Variants in JAKMIP2 observed in about 807,000 individuals in gnomAD.
The protein encoded by JAKMIP2 is janus kinase and microtubule-interacting protein 2.
In JAKMIP2, 25 loss-of-function variants were observed where a neutral mutation model predicts 115.0. The observed-to-expected ratio is 0.22, with a 90% CI of 0.16 to 0.30. The LOEUF (loss-of-function observed/expected upper bound fraction) is 0.30. Ranked by LOEUF, JAKMIP2 falls within the 10% of genes least tolerant of loss-of-function variation. JAKMIP2 has a pLI of 1.00. For synonymous variants in JAKMIP2, 334 were observed against 343.6 expected (o/e 0.97, Z 0.31); for missense variants, 642 against 957.6 (o/e 0.67, Z 4.35).
intron 1 of JAKMIP2, among the ~76,000 whole-genome samples, chr5:147,687,630 G>A (rs1760636894): frequency 6.6e-6 from 1 of 152,158 alleles, no homozygotes; most frequent in African/African-American, 2.4e-5. Flanking sequence ...GCAGAAGGAG[G>A]AGAGAATTTA....
intron 2 of JAKMIP2, among the ~76,000 whole-genome samples, chr5:147,666,680 T>C (rs73270121): frequency 2.6e-5 from 4 of 152,170 alleles, no homozygotes; most frequent in Non-Finnish European, 5.9e-5. Context: ...TCCAGGTAAG[T>C]TCCTACACCT....
At chr5:147,678,195 G>T (rs58542775) in intron 1 of JAKMIP2, among the ~76,000 whole-genome samples, 2,982 of 152,176 alleles carry the variant, frequency 0.02, 103 homozygotes, top group African/African-American at 0.068. Context: ...GTAAAGATGG[G>T]GTTTCACCAT....
chr5:147,747,684 A>T (rs1754395602), intron 1 of JAKMIP2, among the ~76,000 whole-genome samples: 1 of 152,138 alleles, frequency 6.6e-6, no homozygotes, highest in Non-Finnish European at 1.5e-5. Context: ...GAATGTAAGG[A>T]ATCACCAGAT....
chr5:147,687,658 T>C (rs972421515), intron 1 of JAKMIP2, among the ~76,000 whole-genome samples: 23 of 152,318 alleles, frequency 1.5e-4, no homozygotes, highest in African/African-American at 5.3e-4. Context: ...CTCATTTTTA[T>C]ATCTGATATT....
At chr5:147,610,026 C>T (rs969465535) in intron 20 of JAKMIP2, among the ~76,000 whole-genome samples, 2 of 152,122 alleles carry the variant, frequency 1.3e-5, no homozygotes, top group Non-Finnish European at 2.9e-5. Flanking sequence ...TTTTCAGCTC[C>T]ATCAGGTCCT....
chr5:147,687,081 C>A (rs17107192), intron 1 of JAKMIP2, among the ~76,000 whole-genome samples: 1 of 152,018 alleles, frequency 6.6e-6, no homozygotes, highest in African/African-American at 2.4e-5. Flanking sequence ...TCTAGATCAT[C>A]ATAGCACTTG....
intron 1 of JAKMIP2, among the ~76,000 whole-genome samples, chr5:147,777,663 TAATG>T (rs1240186662): frequency 7.9e-5 from 12 of 152,208 alleles, no homozygotes; most frequent in African/African-American, 2.9e-4. Context: ...TTACTTGTAG[TAATG>T]AATAATGATT....
chr5:147,674,956 T>C (rs1025986610), intron 1 of JAKMIP2, among the ~76,000 whole-genome samples: 1 of 152,162 alleles, frequency 6.6e-6, no homozygotes, highest in Non-Finnish European at 1.5e-5. Context: ...CCTCAACAGA[T>C]AAAAAGAAAG....
At chr5:147,602,505 G>A (rs1581268095) in intron 20 of JAKMIP2, among the ~76,000 whole-genome samples, 1 of 152,172 alleles carries the variant, frequency 6.6e-6, no homozygotes, top group South Asian at 2.1e-4. Flanking sequence ...AATGCGTGAT[G>A]TTGTTCCACC....
At chr5:147,683,276 G>T (rs1403271618) in intron 1 of JAKMIP2, among the ~76,000 whole-genome samples, 4 of 152,270 alleles carry the variant, frequency 2.6e-5, no homozygotes, top group African/African-American at 9.6e-5. Flanking sequence ...GATCACTTGA[G>T]GTCAGATCAC....
At chr5:147,714,035 T>A (rs778980321) in intron 1 of JAKMIP2, among the ~76,000 whole-genome samples, 15 of 152,126 alleles carry the variant, frequency 9.9e-5, no homozygotes, top group Non-Finnish European at 2.1e-4. Flanking sequence ...CTTGGGACAC[T>A]CAAATAACTT....
Position 147,763,874 on chromosome 5 carries a change from C to T in JAKMIP2, c.-149+18582G>A, listed in dbSNP as rs577016115. On this transcript the variant is annotated intron_variant, in intron 1 of 21. Coordinates refer to ENST00000616793, the MANE Select transcript of JAKMIP2 (RefSeq NM_001270941.2). The stretch of plus-strand genomic sequence containing the variant: ...TGATGTTTGCTACCACAAAAATTTA[C>T]CTCAATTATGTTAAACCAAGCAAGA... Among the ~76,000 whole-genome samples, 217 of 152,146 alleles carry T rather than the reference C, an allele frequency of 1.4e-3. 2 individuals are homozygous for T. Among genetic ancestry groups the T allele is most frequent in the African/African-American group, 5.0e-3 (209 of 41,520 alleles).
intron 19 of JAKMIP2, among the ~76,000 whole-genome samples, chr5:147,616,130 C>T (rs1756567696): frequency 6.6e-6 from 1 of 152,014 alleles, no homozygotes; most frequent in Non-Finnish European, 1.5e-5. Context: ...AAGAACGCAT[C>T]AGTTCACTCT....
intron 1 of JAKMIP2, among the ~76,000 whole-genome samples, chr5:147,741,545 A>G (rs1250192746): frequency 6.6e-6 from 1 of 152,186 alleles, no homozygotes; most frequent in East Asian, 1.9e-4. Context: ...CAGAATATTA[A>G]GAAATCTTTG....
At chr5:147,742,151 A>ATTTTT (rs1374987918) in intron 1 of JAKMIP2, among the ~76,000 whole-genome samples, 14 of 99,680 alleles carry the variant, frequency 1.4e-4, no homozygotes, top group Admixed American at 4.1e-4. Context: ...ATATATATAT[A>ATTTTT]TATATTTTTT....
intron 2 of JAKMIP2, among the ~76,000 whole-genome samples, chr5:147,664,600 A>G (rs1361034868): frequency 1.3e-5 from 2 of 151,320 alleles, no homozygotes; most frequent in Non-Finnish European, 2.9e-5. Context: ...CACCCTACTC[A>G]CCCAGGACAA....
At chr5:147,630,097 CT>C (rs538198591) in intron 14 of JAKMIP2, among the ~76,000 whole-genome samples, 6 of 148,458 alleles carry the variant, frequency 4.0e-5, no homozygotes, top group Admixed American at 6.8e-5. Context: ...ACTGCCAAAT[CT>C]TTTTTTTTTC....
chr5:147,643,039 T>C, intron 7 of JAKMIP2, among the ~76,000 whole-genome samples: 1 of 152,054 alleles, frequency 6.6e-6, no homozygotes, highest in Non-Finnish European at 1.5e-5. Flanking sequence ...TTGGACTGGC[T>C]TCCTTGCTCT....
intron 1 of JAKMIP2, among the ~76,000 whole-genome samples, chr5:147,712,595 C>T (rs971479337): frequency 2.0e-5 from 3 of 152,082 alleles, no homozygotes; most frequent in Non-Finnish European, 4.4e-5. Context: ...CTCATCTCTT[C>T]GTGTGGCTTT....
Sources: gnomAD v4.1 joint callset for allele counts (sites outside exome capture counted in the v4.1 genomes callset) on GRCh38, gnomAD v4.1.1 for gene constraint, MANE v1.5 for transcripts, NCBI Gene and HGNC (gene_info 2026-07-23, HGNC 2026-07-21) for gene names.